Variants in KIAA0319L observed in about 807,000 individuals in gnomAD.
The protein encoded by KIAA0319L is KIAA0319 like.
In KIAA0319L, 55 loss-of-function variants were observed where a neutral mutation model predicts 120.1. The ratio of observed to expected loss-of-function variants is 0.46; its 90% CI spans 0.37 to 0.57. KIAA0319L has a LOEUF of 0.57. KIAA0319L is among the 20% of genes least tolerant of loss of function. The pLI, the probability that KIAA0319L is intolerant of heterozygous loss-of-function variation, is 0.00. For missense variants in KIAA0319L, 1,049 were observed against 1,255.3 expected, an observed-to-expected ratio of 0.84 and a Z score of 2.48; for synonymous variants, 398 against 471.9, an observed-to-expected ratio of 0.84 and a Z score of 2.03.
intron 2 of KIAA0319L, among the ~76,000 whole-genome samples, chr1:35,544,245 T>C (rs376488684): frequency 6.6e-6 from 1 of 151,842 alleles, no homozygotes; most frequent in South Asian, 2.1e-4. Flanking sequence ...AGCATGCACC[T>C]ATAGTCCCAG....
At chr1:35,499,627 T>C (rs1644932179) in intron 3 of KIAA0319L, among the ~76,000 whole-genome samples, 2 of 151,806 alleles carry the variant, frequency 1.3e-5, no homozygotes, top group African/African-American at 4.8e-5. Flanking sequence ...TCAAACTCAC[T>C]GCACATACTA....
At chr1:35,454,050 T>A (rs920504714) in intron 11 of KIAA0319L, among the ~76,000 whole-genome samples, 6 of 152,144 alleles carry the variant, frequency 3.9e-5, no homozygotes, top group African/African-American at 9.7e-5. Flanking sequence ...GCAAAAGTAA[T>A]TGCTATTGAA....
chr1:35,547,053 A>G (rs944903783), intron 2 of KIAA0319L, among the ~76,000 whole-genome samples: 1 of 146,192 alleles, frequency 6.8e-6, no homozygotes, highest in African/African-American at 2.5e-5. Flanking sequence ...ATATTATTAC[A>G]TGTTTATATA....
At chr1:35,545,106 A>C (rs1646932721) in intron 2 of KIAA0319L, among the ~76,000 whole-genome samples, 1 of 152,162 alleles carries the variant, frequency 6.6e-6, no homozygotes, top group Non-Finnish European at 1.5e-5. Flanking sequence ...GTCCCCTGCC[A>C]GTCCGTGGCT....
At chr1:35,520,196 G>A (rs1009077125) in intron 2 of KIAA0319L, among the ~76,000 whole-genome samples, 33 of 151,678 alleles carry the variant, frequency 2.2e-4, no homozygotes, top group Non-Finnish European at 2.9e-4. Flanking sequence ...TCTGCCACCC[G>A]GGTTCAAGCA....
chr1:35,548,859 T>C lies in KIAA0319L; in HGVS notation c.142+5491A>G, dbSNP rs1647086004. 3.9e-5 allele frequency among the ~76,000 whole-genome samples: 6 copies of C among 152,192 alleles called. No individual in the cohort carries two copies. The South Asian group carries it at 1.2e-3, about 31-fold the overall frequency. On this transcript the variant is annotated intron_variant, in intron 2 of 20. Transcript: ENST00000325722. ...TTCTATATACCAGGCTGTTTCACTTTTGTGCCTTTGCTCTTGCATTCCCAT... is the reference window on the plus strand; with the variant it reads ...TTCTATATACCAGGCTGTTTCACTTCTGTGCCTTTGCTCTTGCATTCCCAT...
In KIAA0319L at chr1:35,434,980, C is replaced by G. The variant is rs773758200; in HGVS notation, c.3064G>C (p.Gly1022Arg). The stretch of plus-strand genomic sequence containing the variant: ...CCATTCTGACCATGCAGGAGTTTGC[C>G]CTTCTCTCGGTCTGGCCATGTAAAG... ...AIFTWPDREKGKLLHGQNGSV... is the reference protein window; with the variant it reads ...AIFTWPDREKRKLLHGQNGSV... Residue 1022 changes from glycine (G) to arginine (R), a missense_variant, in exon 21 of 21, where the codon GGC (glycine) becomes CGC (arginine). Transcript: ENST00000325722. 1.2e-6 allele frequency: 2 copies of G among 1,614,040 alleles called. No homozygotes were observed. Among genetic ancestry groups the G allele is most frequent in the African/African-American group, 2.7e-5 (2 of 74,920 alleles).
At chr1:35,551,904 TA>T (rs1309163543) in intron 2 of KIAA0319L, among the ~76,000 whole-genome samples, 2 of 152,182 alleles carry the variant, frequency 1.3e-5, no homozygotes, top group Non-Finnish European at 1.5e-5. Flanking sequence ...TCAAGGTTAC[TA>T]AAGACTTGCA....
intron 3 of KIAA0319L, among the ~76,000 whole-genome samples, chr1:35,497,218 CTG>C (rs1644843090): frequency 6.7e-6 from 1 of 149,538 alleles, no homozygotes. Context: ...TGTTATCAAA[CTG>C]TACGGCAGGA....
At chr1:35,555,241 C>T (rs774822115) in intron 1 of KIAA0319L, among the ~76,000 whole-genome samples, 5 of 152,112 alleles carry the variant, frequency 3.3e-5, no homozygotes, top group Admixed American at 1.3e-4. Context: ...TAAATTAGTA[C>T]GTAAATATTG....
At chr1:35,458,021 C>T (rs1284537352) in intron 9 of KIAA0319L, among the ~76,000 whole-genome samples, 1 of 152,074 alleles carries the variant, frequency 6.6e-6, no homozygotes, top group African/African-American at 2.4e-5. Flanking sequence ...CTGCAAGCTC[C>T]GCCTACTGGG....
chr1:35,436,038 G>T (rs1259155750), intron 20 of KIAA0319L, among the ~76,000 whole-genome samples: 2 of 152,242 alleles, frequency 1.3e-5, no homozygotes, highest in Non-Finnish European at 2.9e-5. Flanking sequence ...CAGGTGAGGG[G>T]TGGACATCTT....
intron 3 of KIAA0319L, among the ~76,000 whole-genome samples, chr1:35,500,342 C>A (rs767902593): frequency 3.3e-5 from 5 of 152,208 alleles, no homozygotes; most frequent in Non-Finnish European, 7.3e-5. Flanking sequence ...AATCAACAAG[C>A]CTCTGTGCTC....
intron 9 of KIAA0319L, among the ~76,000 whole-genome samples, chr1:35,456,769 C>T (rs2149098766): frequency 6.6e-6 from 1 of 150,428 alleles, no homozygotes; most frequent in Non-Finnish European, 1.5e-5. Context: ...TGTGATTGCA[C>T]CACTGCACTC....
intron 2 of KIAA0319L, among the ~76,000 whole-genome samples, chr1:35,518,886 C>A (rs891101607): frequency 1.3e-5 from 2 of 151,516 alleles, no homozygotes; most frequent in African/African-American, 4.9e-5. Context: ...CACCTGTAAT[C>A]CCAGCTACTC....
rs1355372758 is a variant in KIAA0319L, at chr1:35,516,665, T to TG, written c.143-9531_143-9530insC. 7.2e-5 allele frequency among the ~76,000 whole-genome samples: 11 copies of TG among 152,276 alleles called. No individual in the cohort carries two copies. The East Asian group carries it at 1.2e-3, about 16-fold the overall frequency. ...AGCACAAGACAAGGATTCCCTCTTT[T>TG]ACGAATCTTATTCAACACAGTATTA... On this transcript the variant is annotated intron_variant, in intron 2 of 20. Transcript: ENST00000325722.
rs936793653 is a variant in KIAA0319L at position 35,488,956 on chromosome 1, G to T, written c.667-9744C>A. Among the ~76,000 whole-genome samples the T allele has an allele frequency of 2.6e-5, 4 of 152,206 alleles. 1 individual carries two copies. The highest frequency in any genetic ancestry group is 5.9e-5 in the Non-Finnish European group (4 of 68,038). On this transcript the variant is annotated intron_variant, in intron 3 of 20. Transcript: ENST00000325722. ...ACCTTTGATATTTCTAGATAAAAAG[G>T]AAGAGAGACAAACGAATGGTAGCTA... is the stretch of plus-strand genomic sequence containing the variant.
In KIAA0319L at chr1:35,449,856, A is replaced by C. The variant is rs1641921742; in HGVS notation, c.2353+11T>G. On this transcript the variant is annotated intron_variant, in intron 15 of 20. Coordinates refer to ENST00000325722, the MANE Select transcript of KIAA0319L (RefSeq NM_024874.5). ...GCAATTCTACTCAGCCTCATCACTA[A>C]ATGAACTCACCAGGTTTCACCTCCA... is the stretch of plus-strand genomic sequence containing the variant. The C allele has an allele frequency of 6.2e-7, 1 of 1,613,706 alleles. No homozygotes were observed. The highest frequency in any genetic ancestry group is 8.5e-7 in the Non-Finnish European group (1 of 1,179,948).
At chr1:35,446,525 C>T (rs1641636380) in intron 16 of KIAA0319L, among the ~76,000 whole-genome samples, 1 of 152,174 alleles carries the variant, frequency 6.6e-6, no homozygotes, top group Non-Finnish European at 1.5e-5. Flanking sequence ...AAGTAAAATG[C>T]TCTCACTATA....
Sources: allele counts gnomAD v4.1 joint callset (sites outside exome capture counted in the v4.1 genomes callset), GRCh38; gene constraint gnomAD v4.1.1; transcripts MANE v1.5; gene names NCBI Gene and HGNC (gene_info 2026-07-23, HGNC 2026-07-21).